Variants in TBC1D22B observed in about 807,000 individuals in gnomAD.
TBC1D22B encodes chromosome 6 open reading frame 197.
In TBC1D22B, 32 loss-of-function variants were observed where a neutral mutation model predicts 69.1. That is an observed-to-expected ratio of 0.46 (90% CI 0.35 to 0.62). The LOEUF (loss-of-function observed/expected upper bound fraction) is 0.62, where lower values mean the gene tolerates loss of function less well. Among genes scored for constraint, TBC1D22B ranks in the 20% least tolerant of loss-of-function variants. The probability of loss-of-function intolerance (pLI) is 0.00; values close to 1 mark genes in which losing one functional copy is unlikely to be tolerated. For synonymous variants in TBC1D22B, 206 were observed against 229.8 expected (o/e 0.90, Z 0.94); for missense variants, 462 against 630.9 (o/e 0.73, Z 2.87).
chr6:37,260,590 C>G (rs536908289), intron 1 of TBC1D22B, among the ~76,000 whole-genome samples: 23 of 152,160 alleles, frequency 1.5e-4, no homozygotes, highest in Non-Finnish European at 2.9e-4. Context: ...CCACTAATTT[C>G]AGAACATTTT....
intron 8 of TBC1D22B, among the ~76,000 whole-genome samples, chr6:37,298,273 CTTG>C (rs1433134029): frequency 2.0e-5 from 3 of 152,110 alleles, no homozygotes; most frequent in African/African-American, 7.2e-5. Flanking sequence ...TTGTTAACCT[CTTG>C]TTGTGTGTTC....
intron 8 of TBC1D22B, among the ~76,000 whole-genome samples, chr6:37,301,779 C>T (rs893787311): frequency 5.3e-5 from 8 of 152,192 alleles, no homozygotes; most frequent in African/African-American, 1.9e-4. Context: ...CTACTTCTCT[C>T]ATGTTGGCGT....
At chr6:37,321,446 T>C (rs570679809) in intron 12 of TBC1D22B, among the ~76,000 whole-genome samples, 10 of 152,322 alleles carry the variant, frequency 6.6e-5, no homozygotes, top group Non-Finnish European at 1.5e-4. Flanking sequence ...CAGGCTTTCT[T>C]CTCACAAAGA....
chr6:37,285,498 C>G (rs112167436), intron 6 of TBC1D22B, among the ~76,000 whole-genome samples: 4,720 of 150,654 alleles, frequency 0.031, 228 homozygotes, highest in African/African-American at 0.11. Context: ...CTAATTTTTT[C>G]TTTATCTTTT....
chr6:37,315,639 C>T (rs754009122), intron 10 of TBC1D22B, among the ~76,000 whole-genome samples: 17 of 151,994 alleles, frequency 1.1e-4, no homozygotes, highest in Admixed American at 3.3e-4. Context: ...TGCACTGGTG[C>T]GATCTTGGCT....
chr6:37,264,560 C>G (rs546202808), intron 1 of TBC1D22B, among the ~76,000 whole-genome samples: 15 of 152,316 alleles, frequency 9.8e-5, no homozygotes, highest in African/African-American at 3.4e-4. Flanking sequence ...ATCTGCCTGC[C>G]TCGGCCTCTC....
chr6:37,275,808 T>C (rs1766651421), intron 2 of TBC1D22B, among the ~76,000 whole-genome samples: 1 of 152,190 alleles, frequency 6.6e-6, no homozygotes, highest in Non-Finnish European at 1.5e-5. Context: ...GTATCTCCTC[T>C]GGAGAGAGCA....
chr6:37,286,927 A>G, intron 6 of TBC1D22B, 80 bp from the exon 7 acceptor site: 2 of 1,293,640 alleles, frequency 1.5e-6, no homozygotes, highest in East Asian at 2.5e-5. Flanking sequence ...CTGGGGGACA[A>G]GAGCGAGACT....
At chr6:37,295,235 G>C (rs1767325078) in intron 8 of TBC1D22B, among the ~76,000 whole-genome samples, 2 of 152,060 alleles carry the variant, frequency 1.3e-5, no homozygotes, top group Non-Finnish European at 2.9e-5. Flanking sequence ...CTTCTGAGTA[G>C]GTGGGACTAC....
At chr6:37,273,285 G>A (rs1409171744) in intron 2 of TBC1D22B, among the ~76,000 whole-genome samples, 1 of 150,798 alleles carries the variant, frequency 6.6e-6, no homozygotes, top group Non-Finnish European at 1.5e-5. Flanking sequence ...TATGTTACAT[G>A]TAACCACAAC....
At chr6:37,311,024 A>G (rs1767893774) in intron 8 of TBC1D22B, among the ~76,000 whole-genome samples, 1 of 152,026 alleles carries the variant, frequency 6.6e-6, no homozygotes, top group South Asian at 2.1e-4. Flanking sequence ...GCCATAAATA[A>G]TTTTTCCCCT....
At chr6:37,282,391 T>A (rs769088085) in intron 4 of TBC1D22B, 27 bp downstream of exon 4, 36 of 1,555,810 alleles carry the variant, frequency 2.3e-5, no homozygotes, top group Non-Finnish European at 3.1e-5. Flanking sequence ...CCAGGCAAGG[T>A]AGGAGCTTTG....
At chr6:37,267,031 G>A (rs1766299951) in intron 1 of TBC1D22B, among the ~76,000 whole-genome samples, 1 of 146,404 alleles carries the variant, frequency 6.8e-6, no homozygotes, top group Non-Finnish European at 1.5e-5. Flanking sequence ...CAAACTCCTG[G>A]GTTCAAGTAA....
At chr6:37,313,276 G>A (rs1366555201) in intron 9 of TBC1D22B, among the ~76,000 whole-genome samples, 1 of 152,186 alleles carries the variant, frequency 6.6e-6, no homozygotes, top group Non-Finnish European at 1.5e-5. Flanking sequence ...GATCGCTTGA[G>A]CTCAGGAGTT....
chr6:37,282,587 A>G (rs1766870459), intron 4 of TBC1D22B, among the ~76,000 whole-genome samples: 1 of 152,186 alleles, frequency 6.6e-6, no homozygotes, highest in African/African-American at 2.4e-5. Context: ...CCCTAGTGCA[A>G]CTATTCTGAC....
chr6:37,308,645 C>T (rs1371484419), intron 8 of TBC1D22B, among the ~76,000 whole-genome samples: 1 of 152,162 alleles, frequency 6.6e-6, no homozygotes, highest in South Asian at 2.1e-4. Flanking sequence ...GTACAGTTAC[C>T]GAGCATGGCA....
Position 37,312,945 on chromosome 6 carries a change from C to A in TBC1D22B, c.1010C>A (p.Thr337Asn), listed in dbSNP as rs1471359984. Residue 337 changes from threonine to asparagine, a missense_variant, in exon 9 of 13, where the codon ACC becomes AAC. By Grantham distance (65) the Thr-to-Asn change is moderately conservative. Transcript: ENST00000373491. The stretch of plus-strand genomic sequence containing the variant: ...GAGGATGTGGAGAACTTTGACGTGA[C>A]CAACTTGTCTCAAGACATGCTGCGA... ...VEEDVENFDV[T>N]NLSQDMLRSI... 1 of 1,614,054 alleles carries A rather than the reference C, an allele frequency of 6.2e-7. No individual in the cohort carries two copies. Among genetic ancestry groups the A allele is most frequent in the Non-Finnish European group, 8.5e-7 (1 of 1,180,012 alleles).
At chr6:37,308,700 T>G (rs890187619) in intron 8 of TBC1D22B, among the ~76,000 whole-genome samples, 1 of 152,216 alleles carries the variant, frequency 6.6e-6, no homozygotes, top group Non-Finnish European at 1.5e-5. Flanking sequence ...GTTTTCCTCC[T>G]TAAGACGAAA....
intron 12 of TBC1D22B, among the ~76,000 whole-genome samples, chr6:37,325,223 G>C (rs971102575): frequency 6.6e-6 from 1 of 151,946 alleles, no homozygotes; most frequent in South Asian, 2.1e-4. Context: ...GCCTTTTCCT[G>C]TGTGAATTTT....
Sources: gnomAD v4.1 joint callset for allele counts (sites outside exome capture counted in the v4.1 genomes callset) on GRCh38, gnomAD v4.1.1 for gene constraint, MANE v1.5 for transcripts, NCBI Gene and HGNC (gene_info 2026-07-23, HGNC 2026-07-21) for gene names.